The following ZMYND11 variants were observed in gnomAD, a reference collection of about 807,000 sequenced individuals.
ZMYND11 encodes the protein zinc finger MYND domain-containing protein 11.
In ZMYND11, 9 loss-of-function variants were observed where a neutral mutation model predicts 84.9. The observed-to-expected ratio is 0.11, with a 90% CI of 0.06 to 0.18. The LOEUF is 0.18. Ranked by LOEUF, ZMYND11 falls within the 10% of genes least tolerant of loss-of-function variation. The probability of loss-of-function intolerance (pLI) is 1.00; values close to 1 mark genes in which losing one functional copy is unlikely to be tolerated. For synonymous variants in ZMYND11, 250 were observed against 244.1 expected, an observed-to-expected ratio of 1.02 and a Z score of -0.23; for missense variants, 409 against 761.0, an observed-to-expected ratio of 0.54 and a Z score of 5.44.
intron 3 of ZMYND11, chr10:218,471 C>T: frequency 2.6e-6 from 1 of 390,946 alleles, no homozygotes; most frequent in Admixed American, 3.7e-5. Flanking sequence ...AGTATGCAGC[C>T]TTTCTCCAGG....
intron 10 of ZMYND11, among the ~76,000 whole-genome samples, chr10:244,000 A>T (rs544142171): frequency 6.6e-6 from 1 of 152,136 alleles, no homozygotes; most frequent in East Asian, 1.9e-4. Flanking sequence ...GTCCTGGAAG[A>T]TTTTATGTAA....
chr10:250,887 G>A (rs942245624), intron 14 of ZMYND11, among the ~76,000 whole-genome samples: 4 of 152,104 alleles, frequency 2.6e-5, no homozygotes, highest in Non-Finnish European at 5.9e-5. Context: ...GCCGGGCGTG[G>A]TGGTGTGTGC....
intron 1 of ZMYND11, among the ~76,000 whole-genome samples, chr10:174,664 C>T (rs782458565): frequency 6.6e-6 from 1 of 151,964 alleles, no homozygotes; most frequent in Non-Finnish European, 1.5e-5. Flanking sequence ...ATGGGCATTA[C>T]AGTGGCACGT....
intron 8 of ZMYND11, 122 bp downstream of exon 8, chr10:240,233 T>A: frequency 2.3e-6 from 2 of 875,828 alleles, no homozygotes; most frequent in Non-Finnish European, 3.3e-6. Flanking sequence ...TTGCCGGGCG[T>A]GGGGGCTCAC....
chr10:241,574 A>AAAAT (rs1454109596), intron 9 of ZMYND11, among the ~76,000 whole-genome samples: 1 of 152,248 alleles, frequency 6.6e-6, no homozygotes, highest in Non-Finnish European at 1.5e-5. Context: ...TAATTTCCCC[A>AAAAT]AAATAATACA....
intron 2 of ZMYND11, among the ~76,000 whole-genome samples, chr10:189,888 G>A (rs1356768367): frequency 6.6e-6 from 1 of 152,124 alleles, no homozygotes; most frequent in Non-Finnish European, 1.5e-5. Flanking sequence ...CTTGTGAAGG[G>A]TACAGAAATA....
At chr10:195,271 C>T (rs1487520136) in intron 2 of ZMYND11, among the ~76,000 whole-genome samples, 1 of 151,864 alleles carries the variant, frequency 6.6e-6, no homozygotes, top group South Asian at 2.1e-4. Context: ...CAGTGGCTAA[C>T]GTCAGGCAGA....
intron 4 of ZMYND11, among the ~76,000 whole-genome samples, chr10:235,455 T>A (rs537097799): frequency 1.7e-4 from 26 of 152,156 alleles, no homozygotes; most frequent in Non-Finnish European, 3.7e-4. Flanking sequence ...CTCAGGAAAT[T>A]TCATTGCACT....
At chr10:207,256 G>T (rs543177139) in intron 2 of ZMYND11, among the ~76,000 whole-genome samples, 1 of 152,246 alleles carries the variant, frequency 6.6e-6, no homozygotes, top group Non-Finnish European at 1.5e-5. Context: ...CATTTGGGTT[G>T]GTTCCAAGTC....
At chr10:204,190 AGG>A (rs1335367670) in intron 2 of ZMYND11, among the ~76,000 whole-genome samples, 1 of 152,172 alleles carries the variant, frequency 6.6e-6, no homozygotes, top group Non-Finnish European at 1.5e-5. Context: ...CTCCTTTCCT[AGG>A]TTAGATAACC....
Position 231,816 on chromosome 10 carries a change from T to A in ZMYND11, c.439-5022T>A, listed in dbSNP as rs1054336081. On this transcript the variant is annotated intron_variant, in intron 4 of 14. Coordinates refer to ENST00000381604, the MANE Select transcript of ZMYND11 (RefSeq NM_001370100.5). ...AGGCAGCCCCAACATCTGCTTTAGT[T>A]CTTACGCAAACGTCTACAACCCTGC... Among the ~76,000 whole-genome samples, 14 of 152,356 alleles carry A rather than the reference T, an allele frequency of 9.2e-5. No homozygotes were observed. The East Asian group carries it at 2.7e-3, about 29-fold the overall frequency.
chr10:246,598 C>T (rs947954434), intron 10 of ZMYND11, among the ~76,000 whole-genome samples, 168 bp from the exon 11 acceptor site: 6 of 152,090 alleles, frequency 3.9e-5, no homozygotes, highest in Non-Finnish European at 7.3e-5. Flanking sequence ...TTGTGGTTTT[C>T]GCAATTAAAA....
At chr10:231,920 A>C (rs190962133) in intron 4 of ZMYND11, among the ~76,000 whole-genome samples, 4 of 152,314 alleles carry the variant, frequency 2.6e-5, no homozygotes, top group Admixed American at 6.5e-5. Context: ...GATGATTTGT[A>C]AAAGTTGACC....
intron 1 of ZMYND11, among the ~76,000 whole-genome samples, chr10:168,217 C>T (rs1270939529): frequency 2.0e-5 from 3 of 151,892 alleles, no homozygotes; most frequent in Non-Finnish European, 2.9e-5. Flanking sequence ...TATAATTATA[C>T]CTTGTATATA....
At chr10:250,489 T>C (rs1953208344) in intron 14 of ZMYND11, among the ~76,000 whole-genome samples, 1 of 150,204 alleles carries the variant, frequency 6.7e-6, no homozygotes, top group Non-Finnish European at 1.5e-5. Flanking sequence ...AGCAAGACCC[T>C]GTCTCTTAAA....
intron 2 of ZMYND11, among the ~76,000 whole-genome samples, chr10:204,002 C>T (rs1943703915): frequency 6.6e-6 from 1 of 152,258 alleles, no homozygotes; most frequent in Middle Eastern, 3.4e-3. Context: ...TAACCAGTCC[C>T]CTAAGATATA....
chr10:156,735 T>C (rs901380500), intron 1 of ZMYND11, among the ~76,000 whole-genome samples: 4 of 152,362 alleles, frequency 2.6e-5, no homozygotes, highest in African/African-American at 9.6e-5. Context: ...GTAACATATT[T>C]GTGGAGTGGA....
At chr10:196,061 T>C (rs1413561042) in intron 2 of ZMYND11, among the ~76,000 whole-genome samples, 1 of 152,176 alleles carries the variant, frequency 6.6e-6, no homozygotes, top group Non-Finnish European at 1.5e-5. Flanking sequence ...CACAGTCAGG[T>C]CTATTGATGA....
At chr10:148,894 C>T (rs1554756190) in intron 1 of ZMYND11, 1 of 152,146 alleles carries the variant, frequency 6.6e-6, no homozygotes, top group African/African-American at 2.4e-5. Flanking sequence ...TTAAAGTGTG[C>T]TAAGTCAAAT....
Sources: gnomAD v4.1 joint callset for allele counts (sites outside exome capture counted in the v4.1 genomes callset) on GRCh38, gnomAD v4.1.1 for gene constraint, MANE v1.5 for transcripts, NCBI Gene and HGNC (gene_info 2026-07-23, HGNC 2026-07-21) for gene names.